Variants in PTPN12 observed in about 807,000 individuals in gnomAD.
PTPN12 encodes tyrosine-protein phosphatase non-receptor type 12.
PTPN12 carries 29 observed loss-of-function variants against 97.6 expected under a neutral mutation model. That is an observed-to-expected ratio of 0.30 (90% CI 0.22 to 0.41). The LOEUF (loss-of-function observed/expected upper bound fraction) is 0.41, where lower values mean the gene tolerates loss of function less well. PTPN12 is among the 10% of genes least tolerant of loss of function. The pLI, the probability that PTPN12 is intolerant of heterozygous loss-of-function variation, is 1.00. For missense variants in PTPN12, 819 were observed against 926.0 expected (o/e 0.88, Z 1.50); for synonymous variants, 327 against 300.4 (o/e 1.09, Z -0.91).
At chr7:77,552,090 A>G (rs1221201696) in intron 1 of PTPN12, among the ~76,000 whole-genome samples, 1 of 152,224 alleles carries the variant, frequency 6.6e-6, no homozygotes, top group African/African-American at 2.4e-5. Context: ...TTATTTTAAA[A>G]TTACTTTATA....
Position 77,605,409 on chromosome 7 carries a change from G to GGTTTTTTTTTTTTTTTTTTTTTTTT in PTPN12, c.696-1826_696-1825insGTTTTTTTTTTTTTTTTTTTTTTTT, listed in dbSNP as rs1554321255. Among the ~76,000 whole-genome samples, 3 of 95,560 alleles carry GGTTTTTTTTTTTTTTTTTTTTTTTT rather than the reference G, an allele frequency of 3.1e-5. 1 individual carries two copies. The highest frequency in any genetic ancestry group is 1.3e-4 in the Admixed American group (1 of 7,552). The allele number at this position is 95,560 out of a possible 152,430, so 62.7% of individuals were successfully genotyped here. On this transcript the variant is annotated intron_variant, in intron 8 of 17. Coordinates refer to ENST00000248594, the MANE Select transcript of PTPN12 (RefSeq NM_002835.4). ...TTACTTTAAAATACTTTTGTCATGA[G>GGTTTTTTTTTTTTTTTTTTTTTTTT]TTTTTTTTTTTTTTTTTTTTTTTTT...
intron 1 of PTPN12, among the ~76,000 whole-genome samples, chr7:77,542,208 G>A (rs1807011884): frequency 6.6e-6 from 1 of 152,166 alleles, no homozygotes; most frequent in Admixed American, 6.5e-5. Context: ...AGCAATTCTG[G>A]ACAGTCTGCA....
chr7:77,582,970 C>T (rs759959527), intron 3 of PTPN12, among the ~76,000 whole-genome samples: 10 of 151,722 alleles, frequency 6.6e-5, no homozygotes, highest in Non-Finnish European at 1.3e-4. Context: ...TTTTTTAAGG[C>T]TGTTTGTTAA....
chr7:77,588,240 T>G (rs1787754809), intron 5 of PTPN12, among the ~76,000 whole-genome samples: 1 of 152,216 alleles, frequency 6.6e-6, no homozygotes, highest in African/African-American at 2.4e-5. Context: ...GCTTTTTTAT[T>G]TAAAGTGAAA....
chr7:77,638,555 A>G (rs112886883), intron 16 of PTPN12, 69 bp from the exon 17 acceptor site: 1 of 1,389,544 alleles, frequency 7.2e-7, no homozygotes, highest in African/African-American at 1.5e-5. Context: ...CATTTAAAAA[A>G]TTAAAGAGTT....
chr7:77,618,365 T>G, intron 11 of PTPN12, 115 bp from the exon 12 acceptor site: 1 of 662,032 alleles, frequency 1.5e-6, no homozygotes, highest in Non-Finnish European at 2.5e-6. Flanking sequence ...TTTTTTTAAC[T>G]TGGCAAAATT....
chr7:77,583,444 T>C (rs1787586691), intron 3 of PTPN12, 111 bp from the exon 4 acceptor site: 1 of 687,138 alleles, frequency 1.5e-6, no homozygotes, highest in Non-Finnish European at 2.5e-6. Flanking sequence ...TTGGAAATGG[T>C]TTAAGTTAAA....
At chr7:77,572,953 C>T (rs1009399133) in intron 2 of PTPN12, among the ~76,000 whole-genome samples, 2 of 151,632 alleles carry the variant, frequency 1.3e-5, no homozygotes, top group African/African-American at 2.4e-5. Flanking sequence ...TGTGGTGGCA[C>T]GTGCCTGTAA....
intron 12 of PTPN12, among the ~76,000 whole-genome samples, chr7:77,624,067 T>C (rs1789043851): frequency 6.6e-6 from 1 of 151,942 alleles, no homozygotes; most frequent in Admixed American, 6.6e-5. Context: ...TTGAGATCAG[T>C]CTGGGCAACA....
intron 8 of PTPN12, among the ~76,000 whole-genome samples, chr7:77,602,620 TA>T (rs373802864): frequency 2.5e-3 from 352 of 143,132 alleles, no homozygotes; most frequent in Middle Eastern, 7.1e-3. Context: ...CCCTATCTTT[TA>T]AAAAAAAAAA....
At chr7:77,626,638 A>G (rs1789195443) in intron 12 of PTPN12, 67 bp from the exon 13 acceptor site, 1 of 1,472,680 alleles carries the variant, frequency 6.8e-7, no homozygotes, top group Non-Finnish European at 9.1e-7. Context: ...ACTCTTAGCT[A>G]CATAATTCTC....
chr7:77,615,183 T>G (rs1347051643), intron 11 of PTPN12, among the ~76,000 whole-genome samples: 2 of 152,190 alleles, frequency 1.3e-5, no homozygotes, highest in Non-Finnish European at 2.9e-5. Flanking sequence ...AATGATTAAG[T>G]AATAGCAATA....
At chr7:77,570,681 A>G (rs1196586128) in intron 1 of PTPN12, among the ~76,000 whole-genome samples, 1 of 152,258 alleles carries the variant, frequency 6.6e-6, no homozygotes, top group East Asian at 1.9e-4. Context: ...CTGGCACATC[A>G]TGGGTGCGTG....
chr7:77,603,883 CTTTT>C (rs773037726), intron 8 of PTPN12, among the ~76,000 whole-genome samples: 1 of 87,870 alleles, frequency 1.1e-5, no homozygotes, highest in Non-Finnish European at 2.1e-5. Context: ...TTTTTGTTTG[CTTTT>C]TTTTTTTTTT....
intron 1 of PTPN12, among the ~76,000 whole-genome samples, chr7:77,554,403 T>C (rs1807609629): frequency 6.6e-6 from 1 of 152,264 alleles, no homozygotes; most frequent in Non-Finnish European, 1.5e-5. Context: ...ACCCTAATTC[T>C]ATCCCTTGTA....
At chr7:77,571,271 C>A in intron 2 of PTPN12, 85 bp downstream of exon 2, 1 of 762,546 alleles carries the variant, frequency 1.3e-6, no homozygotes, top group Non-Finnish European at 2.1e-6. Flanking sequence ...TCCTGAGTTT[C>A]ACTGTTAAGG....
chr7:77,581,553 A>G (rs1381894977), intron 3 of PTPN12, 50 bp downstream of exon 3: 2 of 1,200,108 alleles, frequency 1.7e-6, no homozygotes, highest in Non-Finnish European at 1.2e-6. Flanking sequence ...ATGTCTTTCT[A>G]CATACTAGTT....
chr7:77,635,963 AT>A, intron 15 of PTPN12, 114 bp downstream of exon 15: 1 of 638,090 alleles, frequency 1.6e-6, no homozygotes, highest in Admixed American at 4.0e-5. Context: ...ATAGTTTGTA[AT>A]TTTTGATCGG....
chr7:77,607,760 C>CT (rs1257100343), intron 9 of PTPN12, among the ~76,000 whole-genome samples: 333 of 125,124 alleles, frequency 2.7e-3, no homozygotes, highest in African/African-American at 9.5e-3. Flanking sequence ...TTTTTTTTTT[C>CT]TTTTTTTTCC....
Sources: allele counts gnomAD v4.1 joint callset (sites outside exome capture counted in the v4.1 genomes callset), GRCh38; gene constraint gnomAD v4.1.1; transcripts MANE v1.5; gene names NCBI Gene and HGNC (gene_info 2026-07-23, HGNC 2026-07-21).